The following TRAPPC10 variants were observed in gnomAD, a reference collection of about 807,000 sequenced individuals.
TRAPPC10 encodes trafficking protein particle complex subunit 10.
In TRAPPC10, 23 loss-of-function variants were observed where a neutral mutation model predicts 125.5. The observed-to-expected ratio is 0.18, with a 90% CI of 0.13 to 0.26. The LOEUF is 0.26. TRAPPC10 is among the 10% of genes least tolerant of loss of function. The pLI is 1.00. For synonymous variants in TRAPPC10, 509 were observed against 518.0 expected (o/e 0.98, Z 0.24); for missense variants, 1,123 against 1,308.4 (o/e 0.86, Z 2.19).
At chr21:44,088,199 G>A (rs1299972541) in intron 17 of TRAPPC10, 3 of 486,356 alleles carry the variant, frequency 6.2e-6, no homozygotes, top group Non-Finnish European at 1.1e-5. Context: ...GGCCGGCTTA[G>A]GCATGAGGGG....
intron 3 of TRAPPC10, among the ~76,000 whole-genome samples, chr21:44,048,886 T>C (rs1343724258): frequency 6.6e-6 from 1 of 151,034 alleles, no homozygotes; most frequent in African/African-American, 2.4e-5. Flanking sequence ...AGTTCACTCA[T>C]TGATTTCTAG....
rs2035548618 is a variant in TRAPPC10, at chr21:44,055,848, G to A, written c.633G>A (p.Lys211=). 6 of 1,612,786 alleles carry A rather than the reference G, an allele frequency of 3.7e-6. No homozygotes were observed. Among genetic ancestry groups the A allele is most frequent in the Non-Finnish European group, 5.1e-6 (6 of 1,178,920 alleles). ...FEDDMRTLRE[K]RTEPGWSFCE... is the part of the protein sequence containing the mutation. ...ATGACATGAGAACCTTGAGGGAGAA[G>A]AGGACTGAGCCAGGCTGGAGCTTTT... is the stretch of plus-strand genomic sequence containing the variant. Residue 211 remains lysine, a synonymous_variant, in exon 5 of 23, where the codon AAG becomes AAA. Transcript: ENST00000291574.
At chr21:44,029,113 G>A (rs1469907102) in intron 1 of TRAPPC10, among the ~76,000 whole-genome samples, 2 of 151,674 alleles carry the variant, frequency 1.3e-5, no homozygotes, top group African/African-American at 4.8e-5. Flanking sequence ...TTGTTTTTTT[G>A]AGACGGAGTC....
chr21:44,078,404 C>T (rs533520644), intron 11 of TRAPPC10, among the ~76,000 whole-genome samples: 1 of 116,188 alleles, frequency 8.6e-6, no homozygotes, highest in African/African-American at 3.3e-5. Context: ...AAAGGAGATA[C>T]AAGCTATAAG....
intron 6 of TRAPPC10, among the ~76,000 whole-genome samples, chr21:44,061,272 G>T (rs1430979222): frequency 6.6e-6 from 1 of 152,086 alleles, no homozygotes; most frequent in Admixed American, 6.5e-5. Flanking sequence ...GAGTAGCTGC[G>T]ACTACAGGTG....
intron 2 of TRAPPC10, among the ~76,000 whole-genome samples, chr21:44,034,386 C>T (rs1218893544): frequency 2.4e-5 from 3 of 126,714 alleles, no homozygotes; most frequent in Non-Finnish European, 4.8e-5. Flanking sequence ...TTTCTGTGGA[C>T]AGAAGAGCTC....
chr21:44,036,640 C>A (rs895856564), intron 2 of TRAPPC10, among the ~76,000 whole-genome samples: 1 of 152,160 alleles, frequency 6.6e-6, no homozygotes, highest in African/African-American at 2.4e-5. Flanking sequence ...AGAAACCTTG[C>A]GACCCTCTGA....
At chr21:44,044,931 G>T (rs982730934) in intron 3 of TRAPPC10, among the ~76,000 whole-genome samples, 7 of 151,970 alleles carry the variant, frequency 4.6e-5, no homozygotes, top group Non-Finnish European at 8.8e-5. Flanking sequence ...CTCCTAAAGT[G>T]CTGGGATTAC....
rs373096378 is a variant in TRAPPC10, at chr21:44,059,097, G to C, written c.679-6G>C. On this transcript the variant is annotated splice_region_variant and splice_polypyrimidine_tract_variant and intron_variant, in intron 5 of 22. Coordinates refer to ENST00000291574, the MANE Select transcript of TRAPPC10 (RefSeq NM_003274.5). The surrounding 1 kb of genome is among the most constrained non-coding windows in gnomAD (Gnocchi z 4.4). ...TTTTTTTAAAAAACGTATCTTGGGCGAATAGGAGGAGCTTGCCTTTGTTTT... is the reference window on the plus strand; with the variant it reads ...TTTTTTTAAAAAACGTATCTTGGGCCAATAGGAGGAGCTTGCCTTTGTTTT... The C allele has an allele frequency of 1.5e-5, 24 of 1,579,528 alleles. No homozygotes were observed. The African/African-American group carries it at 3.1e-4, about 21-fold the overall frequency.
intron 5 of TRAPPC10, among the ~76,000 whole-genome samples, chr21:44,058,292 G>A (rs549264574): frequency 6.6e-6 from 1 of 152,230 alleles, no homozygotes; most frequent in African/African-American, 2.4e-5. Context: ...AGGCCATGGA[G>A]TGGGGCAGCG....
At position 44,083,319 on chromosome 21, in the gene TRAPPC10, G is replaced by C; in HGVS notation, c.2238+17G>C. 3.1e-6 allele frequency: 5 copies of C among 1,603,384 alleles called. No individual in the cohort carries two copies. Among genetic ancestry groups the C allele is most frequent in the Non-Finnish European group, 4.3e-6 (5 of 1,173,664 alleles). On this transcript the variant is annotated intron_variant, in intron 14 of 22. Coordinates refer to ENST00000291574, the MANE Select transcript of TRAPPC10 (RefSeq NM_003274.5). Reference sequence around the variant, plus strand: ...AGGACTCAGGTATGCGTTCAGGGTGGGAACTTGACTTTCAAGTTTGTAAAG... The same window carrying C: ...AGGACTCAGGTATGCGTTCAGGGTGCGAACTTGACTTTCAAGTTTGTAAAG...
intron 1 of TRAPPC10, among the ~76,000 whole-genome samples, chr21:44,019,046 G>A (rs528055853): frequency 2.6e-5 from 4 of 152,048 alleles, no homozygotes; most frequent in South Asian, 4.2e-4. Context: ...GACCAGCAAC[G>A]GCAGAAGATT....
chr21:44,052,792 G>A (rs1432598684), intron 4 of TRAPPC10, among the ~76,000 whole-genome samples: 1 of 151,914 alleles, frequency 6.6e-6, no homozygotes, highest in African/African-American at 2.4e-5. Context: ...GTCCTTAAAG[G>A]TTTTTGTTTT....
intron 9 of TRAPPC10, among the ~76,000 whole-genome samples, chr21:44,076,157 GA>G (rs2146039019): frequency 6.6e-6 from 1 of 152,292 alleles, no homozygotes; most frequent in African/African-American, 2.4e-5. Flanking sequence ...TGTTGCTAAA[GA>G]ATATCTGATG....
rs148278287 is a variant in TRAPPC10, at chr21:44,094,141, C to T, written c.3076C>T (p.Arg1026Trp). 67 of 1,614,136 alleles carry T rather than the reference C, an allele frequency of 4.2e-5. No individual in the cohort carries two copies. The African/African-American group carries it at 6.9e-4, about 17-fold the overall frequency. The change falls in exon 20 of 23, where the codon CGG becomes TGG. Residue 1026 changes from arginine to tryptophan, a missense_variant. Around this residue, in one of 4 missense-constraint regions of TRAPPC10, gnomAD observed 840 missense variants for 902.0 expected, o/e 0.93. Transcript: ENST00000291574. ...AGAGCCTCCCCCTTCTCTGCATTGC[C>T]GGTTCTCTGTTGGATTTTCCCCAGC... ...TEEPPPSLHC[R>W]FSVGFSPASE...
In TRAPPC10 at chr21:44,047,336, G is replaced by T. The variant is rs115984646; in HGVS notation, c.286-4944G>T. Among the ~76,000 whole-genome samples, 344 of 152,104 alleles carry T rather than the reference G, an allele frequency of 2.3e-3. 1 individual carries two copies. Among genetic ancestry groups the T allele is most frequent in the African/African-American group, 8.0e-3 (332 of 41,498 alleles). ...GCTTGAAGTATAGGCGTGTGCCACCGTACCCGGCTAATTTTTGTATTTTTA... is the reference window on the plus strand; with the variant it reads ...GCTTGAAGTATAGGCGTGTGCCACCTTACCCGGCTAATTTTTGTATTTTTA... On this transcript the variant is annotated intron_variant, in intron 3 of 22. Coordinates refer to ENST00000291574, the MANE Select transcript of TRAPPC10 (RefSeq NM_003274.5).
intron 7 of TRAPPC10, among the ~76,000 whole-genome samples, chr21:44,066,667 T>G (rs1040316080): frequency 5.3e-5 from 8 of 152,240 alleles, no homozygotes; most frequent in East Asian, 1.9e-4. Flanking sequence ...GTCCATGGCC[T>G]TCTTATGTAT....
chr21:44,087,704 T>C lies in TRAPPC10; in HGVS notation c.2545T>C (p.Ser849Pro). Residue 849 changes from serine to proline, a missense_variant, in exon 17 of 23, where the codon TCT becomes CCT. Ser to Pro is a moderately conservative substitution (Grantham distance 74, BLOSUM62 -1). Transcript: ENST00000291574. The surrounding 1 kb of genome is among the most constrained non-coding windows in gnomAD (Gnocchi z 4.6). ...AVVYSNTREQ[S>P]SEAALRIQSS... ...ACTTTTTCTGTCCTTCGTAGAACAG[T>C]CTTCTGAGGCCGCGCTCCGGATTCA... is the stretch of plus-strand genomic sequence containing the variant. 1 of 1,613,366 alleles carries C rather than the reference T, an allele frequency of 6.2e-7. No homozygotes were observed.
chr21:44,027,367 C>G (rs2147222908), intron 1 of TRAPPC10, among the ~76,000 whole-genome samples: 1 of 152,296 alleles, frequency 6.6e-6, no homozygotes, highest in Non-Finnish European at 1.5e-5. Context: ...TTTGCACGTT[C>G]AAGAATTGGT....
Sources: allele counts gnomAD v4.1 joint callset (sites outside exome capture counted in the v4.1 genomes callset), GRCh38; gene constraint gnomAD v4.1.1; regional missense constraint gnomAD v4.1.1; non-coding constraint Gnocchi (gnomAD v3.1); transcripts MANE v1.5; gene names NCBI Gene and HGNC (gene_info 2026-07-23, HGNC 2026-07-21).